The following MPRIP variants were observed in gnomAD, a reference collection of about 807,000 sequenced individuals.
The protein encoded by MPRIP is myosin phosphatase Rho interacting protein.
In MPRIP, 59 loss-of-function variants were observed where a neutral mutation model predicts 234.9. That is an observed-to-expected ratio of 0.25 (90% CI 0.20 to 0.31). The LOEUF (loss-of-function observed/expected upper bound fraction) is 0.31. Ranked by LOEUF, MPRIP falls within the 10% of genes least tolerant of loss-of-function variation. The probability of loss-of-function intolerance (pLI) is 1.00; values close to 1 mark genes in which losing one functional copy is unlikely to be tolerated. For missense variants in MPRIP, 2,436 were observed against 3,071.0 expected, an observed-to-expected ratio of 0.79 and a Z score of 4.89; for synonymous variants, 1,144 against 1,263.9, an observed-to-expected ratio of 0.91 and a Z score of 2.01.
intron 4 of MPRIP, among the ~76,000 whole-genome samples, chr17:17,127,154 T>A (rs1439132596): frequency 6.6e-6 from 1 of 152,174 alleles, no homozygotes; most frequent in Non-Finnish European, 1.5e-5. Context: ...TGGAAGGGGA[T>A]CAGTCCCTGA....
At chr17:17,175,558 C>A in intron 20 of MPRIP, 146 bp downstream of exon 20, 1 of 1,155,548 alleles carries the variant, frequency 8.7e-7, no homozygotes, top group Non-Finnish European at 1.2e-6. Context: ...TCCAAATCAC[C>A]CGAAGGCGGC....
intron 14 of MPRIP, among the ~76,000 whole-genome samples, chr17:17,160,682 A>G (rs1456908541): frequency 6.6e-6 from 1 of 152,242 alleles, no homozygotes; most frequent in Non-Finnish European, 1.5e-5. Flanking sequence ...TGTGGAATCC[A>G]TCATGTAAAG....
At chr17:17,067,290 A>G (rs539389424) in intron 1 of MPRIP, among the ~76,000 whole-genome samples, 1 of 152,250 alleles carries the variant, frequency 6.6e-6, no homozygotes, top group East Asian at 1.9e-4. Flanking sequence ...TCTCTTTGGC[A>G]TATTCAAATT....
rs767465557 is a variant in MPRIP, at chr17:17,171,875, T to G, written c.6472+10T>G. The G allele has an allele frequency of 9.5e-5, 153 of 1,610,882 alleles. No individual in the cohort carries two copies. The highest frequency in any genetic ancestry group is 9.6e-5 in the Non-Finnish European group (113 of 1,179,184). On this transcript the variant is annotated intron_variant, in intron 17 of 23. Transcript: ENST00000651222. Reference sequence around the variant, plus strand: ...GCGGCCACCATCTCAGGTTGGGGGGTGGGGTAACCCTGAGGGCAGGGTGGG... The same window carrying G: ...GCGGCCACCATCTCAGGTTGGGGGGGGGGGTAACCCTGAGGGCAGGGTGGG...
chr17:17,047,353 G>T (rs1314044005), intron 1 of MPRIP, among the ~76,000 whole-genome samples: 1 of 151,774 alleles, frequency 6.6e-6, no homozygotes, highest in Admixed American at 6.6e-5. Context: ...TTTTTGTGTG[G>T]TTATTTTTCT....
chr17:17,178,324 T>G (rs192208644), intron 22 of MPRIP: 1 of 151,984 alleles, frequency 6.6e-6, no homozygotes, highest in Non-Finnish European at 1.5e-5. Flanking sequence ...AAAGAAAAAA[T>G]CAACTTTTTT....
chr17:17,164,137 C>T lies in MPRIP; in HGVS notation c.2546C>T (p.Ala849Val), dbSNP rs1226149452. Residue 849 changes from alanine (A) to valine (V), a missense_variant, in exon 16 of 24, where the codon GCC (alanine) becomes GTC (valine). By Grantham distance (64) the Ala-to-Val change is moderately conservative. Transcript: ENST00000651222. ...GAAGTGGCCGCCTCCCCATCGGGTGCCTGGCAGAGGCTCCATAGAGTCAAC... is the reference window on the plus strand; with the variant it reads ...GAAGTGGCCGCCTCCCCATCGGGTGTCTGGCAGAGGCTCCATAGAGTCAAC... ...QTEVAASPSG[A>V]WQRLHRVNQD... is the part of the protein sequence containing the mutation. 7.7e-7 allele frequency: 1 copy of T among 1,304,186 alleles called. No individual in the cohort carries two copies. Among genetic ancestry groups the T allele is most frequent in the Admixed American group, 2.3e-5 (1 of 43,570 alleles). 80.8% of individuals were successfully genotyped at this position (1,304,186 alleles called of 1,614,324 possible).
intron 7 of MPRIP, chr17:17,142,338 T>A: frequency 3.1e-6 from 1 of 326,850 alleles, no homozygotes; most frequent in Non-Finnish European, 5.7e-6. Context: ...CAGGAGAGGC[T>A]GCCGGGTGCC....
Position 17,078,885 on chromosome 17 carries a change from G to C in MPRIP, c.267+809G>C, listed in dbSNP as rs777041563. Among the ~76,000 whole-genome samples the C allele has an allele frequency of 6.6e-6, 1 of 152,196 alleles. No individual in the cohort carries two copies. The highest frequency in any genetic ancestry group is 1.5e-5 in the Non-Finnish European group (1 of 68,046). On this transcript the variant is annotated intron_variant, in intron 3 of 23. Transcript: ENST00000651222. The surrounding 1 kb of genome is among the most constrained non-coding windows in gnomAD (Gnocchi z 4.3). ...AGTTCCACTTGGTGGGTGAATGTTT[G>C]TGTGCCCATATGTGCAGCATTTTAA...
intron 1 of MPRIP, among the ~76,000 whole-genome samples, chr17:17,067,251 A>G (rs959367519): frequency 1.3e-5 from 2 of 151,978 alleles, no homozygotes; most frequent in African/African-American, 4.8e-5. Flanking sequence ...AACTTTTACC[A>G]TTTCCCTTAA....
In MPRIP at chr17:17,165,182, C is replaced by T; in HGVS notation, c.3591C>T (p.Ala1197=). 2 of 1,304,150 alleles carry T rather than the reference C, an allele frequency of 1.5e-6. No homozygotes were observed. The highest frequency in any genetic ancestry group is 2.0e-6 in the Non-Finnish European group (2 of 988,954). 80.8% of individuals were successfully genotyped at this position (1,304,150 alleles called of 1,614,324 possible). A position where few individuals can be genotyped will look rare whatever the true frequency, so the allele number is the denominator to read the frequency against. The change falls in exon 16 of 24, where the codon GCC becomes GCT. Residue 1197 remains alanine, a synonymous_variant. Coordinates refer to ENST00000651222, the MANE Select transcript of MPRIP (RefSeq NM_001364716.4). Reference sequence around the variant, plus strand: ...ATGAGGCTTTGGTTAAAATGGTTGCCTTGGGGAGCAGCTTAGAGGAAACAG... The same window carrying T: ...ATGAGGCTTTGGTTAAAATGGTTGCTTTGGGGAGCAGCTTAGAGGAAACAG... The part of the protein sequence containing the change: ...DLNEALVKMV[A]LGSSLEETEI...
intron 21 of MPRIP, among the ~76,000 whole-genome samples, chr17:17,176,965 A>T (rs540468258): frequency 1.7e-4 from 26 of 152,252 alleles, no homozygotes; most frequent in African/African-American, 5.3e-4. Flanking sequence ...GGGCCTGGGC[A>T]CTCAGGGCCA....
At chr17:17,143,769 C>A in intron 9 of MPRIP, 100 bp downstream of exon 9, 1 of 703,756 alleles carries the variant, frequency 1.4e-6, no homozygotes. Context: ...CCAGCTGTCC[C>A]TCTGTGCACA....
chr17:17,173,498 T>A (rs1287253702), intron 18 of MPRIP, among the ~76,000 whole-genome samples: 5 of 152,230 alleles, frequency 3.3e-5, no homozygotes, highest in Non-Finnish European at 7.3e-5. Flanking sequence ...ACGGCCCTCC[T>A]GGATCCAGGG....
At position 17,082,285 on chromosome 17, in the gene MPRIP, A is replaced by ATTTTTTTTTTT. The variant is rs71355536; in HGVS notation, c.267+4226_267+4236dup. 5.9e-4 allele frequency among the ~76,000 whole-genome samples: 52 copies of ATTTTTTTTTTT among 88,706 alleles called. 2 individuals carry two copies. The highest frequency in any genetic ancestry group is 2.0e-3 in the African/African-American group (44 of 21,738). The allele number at this position is 88,706 out of a possible 152,430, so 58.2% of individuals were successfully genotyped here. ...AAAAGCTGATCAAATGCTTTTTCCA[A>ATTTTTTTTTTT]TTTTTTTTTTTTTTTTTTTTTTTTT... On this transcript the variant is annotated intron_variant, in intron 3 of 23. Coordinates refer to ENST00000651222, the MANE Select transcript of MPRIP (RefSeq NM_001364716.4).
intron 3 of MPRIP, among the ~76,000 whole-genome samples, chr17:17,119,692 C>T (rs186104793): frequency 6.6e-6 from 1 of 152,216 alleles, no homozygotes; most frequent in Non-Finnish European, 1.5e-5. Context: ...CCTGTGTCCT[C>T]CCTAGAACGT....
At chr17:17,127,579 G>A (rs1431909532) in intron 4 of MPRIP, among the ~76,000 whole-genome samples, 7 of 152,264 alleles carry the variant, frequency 4.6e-5, no homozygotes, top group Non-Finnish European at 1.0e-4. Flanking sequence ...GCCGTACATA[G>A]TCCGTGCAGG....
intron 1 of MPRIP, among the ~76,000 whole-genome samples, chr17:17,062,723 G>A (rs1281195615): frequency 6.6e-6 from 1 of 152,236 alleles, no homozygotes; most frequent in African/African-American, 2.4e-5. Flanking sequence ...TGGCCAGGTA[G>A]CGTGTTAGGG....
In MPRIP at chr17:17,063,120, C is replaced by T. The variant is rs193041434; in HGVS notation, c.124-12590C>T. Among the ~76,000 whole-genome samples the T allele has an allele frequency of 3.5e-4, 53 of 152,352 alleles. No homozygotes were observed. The East Asian group carries it at 9.2e-3, about 27-fold the overall frequency. On this transcript the variant is annotated intron_variant, in intron 1 of 23. Transcript: ENST00000651222. The stretch of plus-strand genomic sequence containing the variant: ...TGCTGACCAGCGTTGTCCTAGTGAC[C>T]TGGGAGCTCAGGTGTGGGAGGCAGA...
Sources: allele counts gnomAD v4.1 joint callset (sites outside exome capture counted in the v4.1 genomes callset), GRCh38; gene constraint gnomAD v4.1.1; non-coding constraint Gnocchi (gnomAD v3.1); transcripts MANE v1.5; gene names NCBI Gene and HGNC (gene_info 2026-07-23, HGNC 2026-07-21).